POLQ: variants seen among roughly 807,000 people sequenced by gnomAD.
POLQ encodes the protein epididymis secretory sperm binding protein.
A neutral mutation model predicts 259.2 loss-of-function variants in POLQ; 233 were observed. The ratio of observed to expected loss-of-function variants is 0.90; its 90% CI spans 0.81 to 1.00. The LOEUF (loss-of-function observed/expected upper bound fraction) is 1.00. POLQ is among the 50% of genes least tolerant of loss of function. POLQ has a pLI of 0.00. For synonymous variants in POLQ, 1,025 were observed against 1,048.8 expected (o/e 0.98, Z 0.44); for missense variants, 2,871 against 3,051.6 (o/e 0.94, Z 1.39).
At chr3:121,460,314 C>A in intron 24 of POLQ, 80 bp from the exon 25 acceptor site, 1 of 1,052,306 alleles carries the variant, frequency 9.5e-7, no homozygotes, top group Non-Finnish European at 1.4e-6. Flanking sequence ...TATAATTGAG[C>A]AGGATGACAA....
At chr3:121,531,750 G>A (rs1450522348) in intron 6 of POLQ, among the ~76,000 whole-genome samples, 1 of 152,092 alleles carries the variant, frequency 6.6e-6, no homozygotes, top group African/African-American at 2.4e-5. Context: ...CATGGTAAAA[G>A]AAGAAAAAAA....
intron 14 of POLQ, chr3:121,494,190 G>A (rs773692135): frequency 1.7e-4 from 207 of 1,228,350 alleles, no homozygotes; most frequent in Non-Finnish European, 2.4e-4. Flanking sequence ...CTAAGAAAGT[G>A]GTGAATCCCG....
intron 25 of POLQ, among the ~76,000 whole-genome samples, chr3:121,452,992 G>T (rs2047692779): frequency 6.6e-6 from 1 of 152,226 alleles, no homozygotes; most frequent in Non-Finnish European, 1.5e-5. Flanking sequence ...GCACCCCCCA[G>T]TAGGGGCAGA....
intron 17 of POLQ, 129 bp from the exon 18 acceptor site, chr3:121,483,711 C>T (rs976160963): frequency 2.7e-5 from 16 of 588,762 alleles, no homozygotes; most frequent in Admixed American, 1.8e-4. Context: ...TTCCATGTGA[C>T]GAGTAATTCA....
chr3:121,539,441 T>C lies in POLQ; in HGVS notation c.623A>G (p.Asp208Gly). Residue 208 changes from aspartate (D) to glycine (G), a missense_variant, in exon 4 of 30, where the codon GAT (aspartate) becomes GGT (glycine). Physicochemically the swap from Asp to Gly is moderately conservative, Grantham distance 94. This residue lies in a region of POLQ where 783 missense variants were observed against 906.2 expected (regional missense o/e 0.86). Coordinates refer to ENST00000264233, the MANE Select transcript of POLQ (RefSeq NM_199420.4). ...TTTTCTAACTTTCTTACCTAACAGA[T>C]CCATCTTATTTTCCTCTATGAGGCG... Reference protein sequence around the residue: ...INRLIEENKMDLLGMVVVDEL... With the variant: ...INRLIEENKMGLLGMVVVDEL... The C allele has an allele frequency of 6.3e-7, 1 of 1,597,610 alleles. No homozygotes were observed. Among genetic ancestry groups the C allele is most frequent in the Non-Finnish European group, 8.5e-7 (1 of 1,174,900 alleles).
intron 24 of POLQ, among the ~76,000 whole-genome samples, chr3:121,466,363 C>CAA (rs751087085): frequency 2.8e-4 from 26 of 94,138 alleles, no homozygotes; most frequent in African/African-American, 9.6e-4. Context: ...GACTCCGTCT[C>CAA]AAAAAAAAAA....
intron 24 of POLQ, among the ~76,000 whole-genome samples, chr3:121,462,205 G>A (rs373595115): frequency 6.6e-6 from 1 of 152,040 alleles, no homozygotes; most frequent in African/African-American, 2.4e-5. Flanking sequence ...ACTGTAAATG[G>A]CCACAACTTT....
Position 121,487,717 on chromosome 3 carries a change from TGTA to T in POLQ, c.5211_5213del (p.Thr1738del), listed in dbSNP as rs1380314151. The T allele has an allele frequency of 1.9e-6, 3 of 1,613,904 alleles. No homozygotes were observed. Among genetic ancestry groups the T allele is most frequent in the East Asian group, 2.2e-5 (1 of 44,862 alleles). ...GCTTAGAAGCAGATGTTGGAATGGGTGTAGGAGGAATGAGACCATTATCATCAA... is the reference window on the plus strand; with the variant it reads ...GCTTAGAAGCAGATGTTGGAATGGGTGGAGGAATGAGACCATTATCATCAA... On this transcript the variant is annotated inframe_deletion, in exon 16 of 30. Coordinates refer to ENST00000264233, the MANE Select transcript of POLQ (RefSeq NM_199420.4).
intron 12 of POLQ, among the ~76,000 whole-genome samples, chr3:121,499,093 A>C (rs2048146722): frequency 6.6e-6 from 1 of 152,062 alleles, no homozygotes; most frequent in Admixed American, 6.6e-5. Flanking sequence ...AAAAAATTAC[A>C]ATAAAATAAA....
chr3:121,522,189 C>G, intron 7 of POLQ, 40 bp from the exon 8 acceptor site: 1 of 1,506,980 alleles, frequency 6.6e-7, no homozygotes, highest in Non-Finnish European at 8.9e-7. Context: ...GCTTCTAACT[C>G]AGCTTCTTTA....
Position 121,487,794 on chromosome 3 carries a change from T to G in POLQ, c.5137A>C (p.Asn1713His), listed in dbSNP as rs1406921747. ...SKIEMLENNA[N>H]HDETSSLLPR... ...AAGAGGGATGAGGTTTCATCATGAT[T>G]GGCATTGTTTTCTAGCATCTCAATC... Residue 1713 changes from asparagine (N) to histidine (H), a missense_variant, in exon 16 of 30, where the codon AAT becomes CAT. Asn to His is a moderately conservative substitution (Grantham distance 68, BLOSUM62 1). Transcript: ENST00000264233. The G allele has an allele frequency of 1.9e-6, 3 of 1,610,226 alleles. No homozygotes were observed. Among genetic ancestry groups the G allele is most frequent in the South Asian group, 2.2e-5 (2 of 89,960 alleles).
intron 21 of POLQ, 145 bp downstream of exon 21, chr3:121,473,205 A>T: frequency 1.3e-6 from 1 of 754,058 alleles, no homozygotes; most frequent in Non-Finnish European, 2.1e-6. Flanking sequence ...GTGGGCTACC[A>T]AACCACAAAC....
intron 15 of POLQ, among the ~76,000 whole-genome samples, chr3:121,492,230 T>C (rs996710149): frequency 6.6e-6 from 1 of 152,176 alleles, no homozygotes; most frequent in African/African-American, 2.4e-5. Context: ...CTAAAACAAA[T>C]TGTTTAATAC....
rs1416374681 is a variant in POLQ at position 121,490,342 on chromosome 3, C to A, written c.2589G>T (p.Trp863Cys). The stretch of plus-strand genomic sequence containing the variant: ...CAGTTAAACCTTTTCTGCCAGTCAC[C>A]CAGATAGTTCGCATATTGCGACGTT... ...VEERRNMRTI[W>C]VTGRKGLTER... The change falls in exon 16 of 30, where the codon TGG becomes TGT. Residue 863 changes from tryptophan to cysteine, a missense_variant. Coordinates refer to ENST00000264233, the MANE Select transcript of POLQ (RefSeq NM_199420.4). 1.9e-6 allele frequency: 3 copies of A among 1,614,210 alleles called. No individual in the cohort carries two copies. The highest frequency in any genetic ancestry group is 2.5e-6 in the Non-Finnish European group (3 of 1,180,036).
At chr3:121,466,690 C>T (rs1368420034) in intron 24 of POLQ, among the ~76,000 whole-genome samples, 2 of 144,282 alleles carry the variant, frequency 1.4e-5, no homozygotes, top group African/African-American at 5.1e-5. Context: ...AACTCCATCT[C>T]GAAAAAAAAA....
At chr3:121,529,159 GA>G (rs914976506) in intron 7 of POLQ, among the ~76,000 whole-genome samples, 3 of 150,512 alleles carry the variant, frequency 2.0e-5, no homozygotes, top group Non-Finnish European at 3.0e-5. Flanking sequence ...ATTATGTATT[GA>G]AAAAAAATCC....
In POLQ at chr3:121,509,600, C is replaced by T. The variant is rs774568174; in HGVS notation, c.1920G>A (p.Lys640=). 11 of 1,613,622 alleles carry T rather than the reference C, an allele frequency of 6.8e-6. No homozygotes were observed. Among genetic ancestry groups the T allele is most frequent in the Non-Finnish European group, 8.5e-6 (10 of 1,179,712 alleles). The change falls in exon 12 of 30, where the codon AAG becomes AAA. Residue 640 remains lysine (K), a synonymous_variant. Transcript: ENST00000264233. ...DIFADLQRAM[K]GFVLENDLHI... ...GAAGATCATTCTCTAAAACAAAGCC[C>T]TTCATTGCTCTTTGCAGGTCAGCAA...
In POLQ at chr3:121,537,135, G is replaced by T. The variant is rs749172716; in HGVS notation, c.705C>A (p.Thr235=). The T allele has an allele frequency of 2.5e-6, 4 of 1,593,790 alleles. No homozygotes were observed. Among genetic ancestry groups the T allele is most frequent in the Non-Finnish European group, 3.4e-6 (4 of 1,161,768 alleles). Residue 235 remains threonine, a synonymous_variant, in exon 5 of 30, where the codon ACC becomes ACA. Coordinates refer to ENST00000264233, the MANE Select transcript of POLQ (RefSeq NM_199420.4). ...ATTTCCGAGTAATATAGCAAATCTT[G>T]GTCAGCAAAAGTTCCAGCAGATACC... is the stretch of plus-strand genomic sequence containing the variant. ...HRGYLLELLL[T]KICYITRKSA...
intron 9 of POLQ, among the ~76,000 whole-genome samples, chr3:121,516,626 A>G (rs1001397173): frequency 6.6e-6 from 1 of 152,222 alleles, no homozygotes; most frequent in Non-Finnish European, 1.5e-5. Context: ...GAACTTACAA[A>G]TCGCTATTTT....
Sources: allele counts gnomAD v4.1 joint callset (sites outside exome capture counted in the v4.1 genomes callset), GRCh38; gene constraint gnomAD v4.1.1; regional missense constraint gnomAD v4.1.1; transcripts MANE v1.5; gene names NCBI Gene and HGNC (gene_info 2026-07-23, HGNC 2026-07-21).